RBFOX1: variants seen among roughly 807,000 people sequenced by gnomAD.
The protein encoded by RBFOX1 is RNA binding protein fox-1 homolog 1.
A neutral mutation model predicts 57.7 loss-of-function variants in RBFOX1; 8 were observed. The observed-to-expected ratio is 0.14, with a 90% CI of 0.08 to 0.25. The LOEUF (loss-of-function observed/expected upper bound fraction) is 0.25, where lower values mean the gene tolerates loss of function less well. RBFOX1 is among the 10% of genes least tolerant of loss of function. The probability of loss-of-function intolerance (pLI) is 1.00; values close to 1 mark genes in which losing one functional copy is unlikely to be tolerated. For synonymous variants in RBFOX1, 326 were observed against 222.4 expected (o/e 1.47, Z -4.15); for missense variants, 611 against 548.5 (o/e 1.11, Z -1.14).
At chr16:5,649,046 A>C (rs771088372) in intron 3 of RBFOX1, among the ~76,000 whole-genome samples, 1 of 152,144 alleles carries the variant, frequency 6.6e-6, no homozygotes, top group Admixed American at 6.6e-5. Context: ...CCTGAGAGAC[A>C]GAATGAGACT....
In RBFOX1 at chr16:7,646,548, C is replaced by T. The variant is rs187878958; in HGVS notation, c.758-7267C>T. On this transcript the variant is annotated intron_variant, in intron 11 of 15. Transcript: ENST00000550418. ...GAGCAAAGGGAGAGGAGGAGCAGGA[C>T]AAAGAGAGCCCCCCTCATCCATTCG... Among the ~76,000 whole-genome samples the T allele has an allele frequency of 2.1e-3, 322 of 152,328 alleles. 2 individuals are homozygous for T. The highest frequency in any genetic ancestry group is 0.014 in the South Asian group (69 of 4,830).
chr16:6,737,788 A>G (rs1406842009), intron 3 of RBFOX1, among the ~76,000 whole-genome samples: 1 of 152,210 alleles, frequency 6.6e-6, no homozygotes, highest in Non-Finnish European at 1.5e-5. Flanking sequence ...AAGGTATCTT[A>G]TATCAAGATT....
Position 7,096,641 on chromosome 16 carries a change from C to T in RBFOX1, c.27+44543C>T, listed in dbSNP as rs935947378. Reference sequence around the variant, plus strand: ...AGGAGTGGACTTAGCCCCAGTAAAACGGGGACTGAGTTGAGCAGGTTGGCT... The same window carrying T: ...AGGAGTGGACTTAGCCCCAGTAAAATGGGGACTGAGTTGAGCAGGTTGGCT... On this transcript the variant is annotated intron_variant, in intron 4 of 15. Transcript: ENST00000550418. Among the ~76,000 whole-genome samples, 6 of 151,856 alleles carry T rather than the reference C, an allele frequency of 4.0e-5. 1 individual carries two copies. The highest frequency in any genetic ancestry group is 6.6e-5 in the Admixed American group (1 of 15,232).
At chr16:7,261,685 G>A (rs1174134772) in intron 4 of RBFOX1, among the ~76,000 whole-genome samples, 1 of 152,142 alleles carries the variant, frequency 6.6e-6, no homozygotes, top group Non-Finnish European at 1.5e-5. Flanking sequence ...GCCAGTCCAA[G>A]CATCCTTTTC....
chr16:6,992,154 C>T (rs2091576722), intron 3 of RBFOX1, among the ~76,000 whole-genome samples: 1 of 147,134 alleles, frequency 6.8e-6, no homozygotes, highest in South Asian at 2.2e-4. Context: ...GAACCAAGCT[C>T]ATAGAGAAGC....
Position 6,695,549 on chromosome 16 carries a change from C to T in RBFOX1, c.-16+40899C>T, listed in dbSNP as rs535462198. 5.1e-4 allele frequency among the ~76,000 whole-genome samples: 77 copies of T among 151,906 alleles called. 1 individual carries two copies. In the South Asian group the frequency reaches 0.014, roughly 27 times the overall value. On this transcript the variant is annotated intron_variant, in intron 3 of 15. Transcript: ENST00000550418. ...TCTTGGAGCCCTTAAGTGGCCGACGCGCCTATTATGAATGTTTCAAGTATG... is the reference window on the plus strand; with the variant it reads ...TCTTGGAGCCCTTAAGTGGCCGACGTGCCTATTATGAATGTTTCAAGTATG...
At chr16:6,396,986 T>C (rs756074600) in intron 2 of RBFOX1, among the ~76,000 whole-genome samples, 5 of 152,192 alleles carry the variant, frequency 3.3e-5, no homozygotes, top group Non-Finnish European at 7.3e-5. Flanking sequence ...GTGAATTTAA[T>C]ATAGATTAAT....
rs1294072175 is a variant in RBFOX1, at chr16:5,431,669, A to G, written c.220-35547A>G. Among the ~76,000 whole-genome samples the G allele has an allele frequency of 2.0e-5, 3 of 152,060 alleles. No homozygotes were observed. In the East Asian group the frequency reaches 5.8e-4, roughly 29 times the overall value. On this transcript the variant is annotated intron_variant, in intron 1 of 2. Coordinates refer to the RBFOX1 transcript ENST00000585867. ...GTTACAGGTGTGAGCCACCGTGCCC[A>G]GCCGCTGGTTTATTTTTTATTATTA...
chr16:6,762,353 A>C (rs375365994), intron 3 of RBFOX1, among the ~76,000 whole-genome samples: 3 of 152,258 alleles, frequency 2.0e-5, no homozygotes, highest in African/African-American at 7.2e-5. Flanking sequence ...TTTCAAAGTA[A>C]TTTTTAGCAA....
chr16:6,885,928 A>G (rs916473588), intron 3 of RBFOX1, among the ~76,000 whole-genome samples: 2 of 152,260 alleles, frequency 1.3e-5, no homozygotes, highest in African/African-American at 4.8e-5. Context: ...TAACCCAATA[A>G]TAAAATAAAA....
intron 4 of RBFOX1, among the ~76,000 whole-genome samples, chr16:7,065,571 T>A (rs2055778480): frequency 6.6e-6 from 1 of 152,242 alleles, no homozygotes; most frequent in Non-Finnish European, 1.5e-5. Context: ...TACAGCATGG[T>A]GTTTTAGTAT....
intron 4 of RBFOX1, among the ~76,000 whole-genome samples, chr16:7,313,034 C>G (rs1048318194): frequency 2.6e-5 from 4 of 152,094 alleles, no homozygotes; most frequent in Non-Finnish European, 5.9e-5. Flanking sequence ...GTAGGAGAGG[C>G]AGCGTGTTCC....
intron 4 of RBFOX1, among the ~76,000 whole-genome samples, chr16:7,123,154 A>G (rs2067592661): frequency 6.6e-6 from 1 of 152,132 alleles, no homozygotes; most frequent in Admixed American, 6.6e-5. Context: ...AATTATGTTA[A>G]CATTTATGAA....
At chr16:6,799,751 C>T (rs1034602851) in intron 3 of RBFOX1, among the ~76,000 whole-genome samples, 5 of 152,096 alleles carry the variant, frequency 3.3e-5, no homozygotes, top group African/African-American at 4.8e-5. Context: ...GACCATCAGC[C>T]TCCAGGTTCT....
chr16:7,222,831 G>T (rs2092828674), intron 4 of RBFOX1, among the ~76,000 whole-genome samples: 1 of 152,192 alleles, frequency 6.6e-6, no homozygotes, highest in African/African-American at 2.4e-5. Context: ...ATGAAAGACT[G>T]CAGTGTTCCA....
At position 7,152,434 on chromosome 16, in the gene RBFOX1, A is replaced by T. The variant is rs547123834; in HGVS notation, c.27+100336A>T. 4.6e-5 allele frequency among the ~76,000 whole-genome samples: 7 copies of T among 152,218 alleles called. No homozygotes were observed. In the South Asian group the frequency reaches 1.2e-3, roughly 27 times the overall value. On this transcript the variant is annotated intron_variant, in intron 4 of 15. Coordinates refer to ENST00000550418, the MANE Select transcript of RBFOX1 (RefSeq NM_018723.4). ...CCGATAGCCAAAGAAATTGCCATCA[A>T]TTGTTAATGGTTATCATAGTTCAAA... is the stretch of plus-strand genomic sequence containing the variant.
chr16:6,441,507 C>A (rs1403377734), intron 2 of RBFOX1, among the ~76,000 whole-genome samples: 1 of 152,086 alleles, frequency 6.6e-6, no homozygotes, highest in Non-Finnish European at 1.5e-5. Flanking sequence ...ACCTCTGCCT[C>A]CAGGATTCAA....
At chr16:7,183,495 G>C (rs2083136655) in intron 4 of RBFOX1, among the ~76,000 whole-genome samples, 1 of 152,094 alleles carries the variant, frequency 6.6e-6, no homozygotes, top group African/African-American at 2.4e-5. Flanking sequence ...CCAAATTTTA[G>C]CTATAAGAGA....
intron 2 of RBFOX1, among the ~76,000 whole-genome samples, chr16:5,593,117 G>T (rs112270820): frequency 0.078 from 11,925 of 151,940 alleles, 872 homozygotes; most frequent in African/African-American, 0.19. Context: ...ATAGACTGGA[G>T]AAAGAAAATG....
Sources: gnomAD v4.1 joint callset for allele counts (sites outside exome capture counted in the v4.1 genomes callset) on GRCh38, gnomAD v4.1.1 for gene constraint, MANE v1.5 for transcripts, NCBI Gene and HGNC (gene_info 2026-07-23, HGNC 2026-07-21) for gene names.